OSMR: variants seen among roughly 807,000 people sequenced by gnomAD.
OSMR encodes oncostatin M receptor.
In OSMR, 81 loss-of-function variants were observed where a neutral mutation model predicts 99.9. The ratio of observed to expected loss-of-function variants is 0.81; its 90% CI spans 0.68 to 0.97. The LOEUF (loss-of-function observed/expected upper bound fraction) is 0.97, where lower values mean the gene tolerates loss of function less well. OSMR is among the 50% of genes least tolerant of loss of function. The pLI is 0.00. For synonymous variants in OSMR, 406 were observed against 410.4 expected (o/e 0.99, Z 0.13); for missense variants, 1,099 against 1,153.4 (o/e 0.95, Z 0.68).
intron 7 of OSMR, among the ~76,000 whole-genome samples, chr5:38,887,493 A>G (rs1221595813): frequency 2.6e-5 from 4 of 152,072 alleles, no homozygotes; most frequent in Non-Finnish European, 5.9e-5. Context: ...CTGACATGCC[A>G]CCTCTTTCAC....
At position 38,933,472 on chromosome 5, in the gene OSMR, TAC is replaced by T. The variant is rs2112712347; in HGVS notation, c.*32_*33del. The T allele has an allele frequency of 1.2e-6, 2 of 1,613,292 alleles. No homozygotes were observed. Among genetic ancestry groups the T allele is most frequent in the Non-Finnish European group, 1.7e-6 (2 of 1,179,506 alleles). On this transcript the variant is annotated 3_prime_UTR_variant, in exon 18 of 18. Coordinates refer to ENST00000274276, the MANE Select transcript of OSMR (RefSeq NM_003999.3). ...AGCATGCCGATTTCATACCTTATGCTACACAGACATTAAGAAGAGCAGAGCTG... is the reference window on the plus strand; with the variant it reads ...AGCATGCCGATTTCATACCTTATGCTACAGACATTAAGAAGAGCAGAGCTG...
chr5:38,928,109 A>G lies in OSMR; in HGVS notation c.2212+2738A>G, dbSNP rs117635790. ...ATATCACTATCAGCATTTTGGTCATATCCATTCAACAAGCCTCTAGGAAGT... is the reference window on the plus strand; with the variant it reads ...ATATCACTATCAGCATTTTGGTCATGTCCATTCAACAAGCCTCTAGGAAGT... On this transcript the variant is annotated intron_variant, in intron 15 of 17. Coordinates refer to ENST00000274276, the MANE Select transcript of OSMR (RefSeq NM_003999.3). Among the ~76,000 whole-genome samples, 519 of 152,258 alleles carry G rather than the reference A, an allele frequency of 3.4e-3. 11 individuals are homozygous for G. In the East Asian group the frequency reaches 0.05, roughly 15 times the overall value.
intron 11 of OSMR, chr5:38,919,625 T>A (rs1348820967): frequency 3.5e-6 from 1 of 288,480 alleles, no homozygotes; most frequent in Non-Finnish European, 6.7e-6. Flanking sequence ...TGATATTAAT[T>A]TCCTTCTTAG....
intron 7 of OSMR, among the ~76,000 whole-genome samples, chr5:38,899,967 C>T (rs906450941): frequency 6.6e-6 from 1 of 152,158 alleles, no homozygotes; most frequent in East Asian, 1.9e-4. Flanking sequence ...CTAAGCCCGG[C>T]TCAGCACCAT....
chr5:38,851,632 C>T (rs1411781440), intron 1 of OSMR, among the ~76,000 whole-genome samples: 1 of 152,190 alleles, frequency 6.6e-6, no homozygotes, highest in Non-Finnish European at 1.5e-5. Context: ...TTGAAGGGAG[C>T]ACTGAGGGGC....
chr5:38,862,721 T>C (rs1410024633), intron 1 of OSMR, among the ~76,000 whole-genome samples: 8 of 148,920 alleles, frequency 5.4e-5, no homozygotes, highest in Non-Finnish European at 1.0e-4. Context: ...CTAGATGGGA[T>C]GGCGGCCGGG....
chr5:38,872,329 A>G (rs1247035465), intron 2 of OSMR, among the ~76,000 whole-genome samples: 2 of 152,206 alleles, frequency 1.3e-5, no homozygotes, highest in East Asian at 3.8e-4. Flanking sequence ...TTCCAGAAGT[A>G]AAGTTTAGAC....
chr5:38,852,191 C>A (rs2112030504), intron 1 of OSMR, among the ~76,000 whole-genome samples: 1 of 152,236 alleles, frequency 6.6e-6, no homozygotes, highest in South Asian at 2.1e-4. Flanking sequence ...TTTTTCTGTT[C>A]TTTTTGAAAG....
rs574981215 is a variant in OSMR at position 38,934,114 on chromosome 5, G to A, written c.*670G>A. 6.6e-6 allele frequency: 1 copy of A among 152,646 alleles called. No individual in the cohort carries two copies. The highest frequency in any genetic ancestry group is 1.5e-5 in the Non-Finnish European group (1 of 68,078). The allele number at this position is 152,646 out of a possible 1,614,324, so 9.5% of individuals were successfully genotyped here. A position where few individuals can be genotyped will look rare whatever the true frequency, so the allele number is the denominator to read the frequency against. On this transcript the variant is annotated 3_prime_UTR_variant, in exon 18 of 18. Transcript: ENST00000274276. ...TTCTGTCAAGCTTACTACAGTGAAA[G>A]AATGGGATTGGCAAGTAACTTCTGA...
intron 4 of OSMR, 135 bp from the exon 5 acceptor site, chr5:38,883,692 A>C (rs1743478662): frequency 6.5e-7 from 1 of 1,541,046 alleles, no homozygotes; most frequent in African/African-American, 1.4e-5. Flanking sequence ...GAGGTTTGGC[A>C]GAGAAATTTA....
intron 10 of OSMR, among the ~76,000 whole-genome samples, chr5:38,917,982 A>T (rs191776957): frequency 2.0e-5 from 3 of 152,288 alleles, no homozygotes; most frequent in Admixed American, 2.0e-4. Flanking sequence ...ATCAAGCTTA[A>T]AAATTGTAAT....
At chr5:38,876,424 C>T in intron 3 of OSMR, 51 bp downstream of exon 3, 1 of 1,471,092 alleles carries the variant, frequency 6.8e-7, no homozygotes, top group Non-Finnish European at 9.5e-7. Flanking sequence ...TAAAAAAAGA[C>T]ACCTTGGTTT....
Position 38,933,481 on chromosome 5 carries a change from A to C in OSMR, c.*37A>C. 1.2e-6 allele frequency: 2 copies of C among 1,612,356 alleles called. No individual in the cohort carries two copies. Among genetic ancestry groups the C allele is most frequent in the Non-Finnish European group, 8.5e-7 (1 of 1,178,892 alleles). On this transcript the variant is annotated 3_prime_UTR_variant, in exon 18 of 18. Transcript: ENST00000274276. Reference sequence around the variant, plus strand: ...ATTTCATACCTTATGCTACACAGACATTAAGAAGAGCAGAGCTGGCACCCT... The same window carrying C: ...ATTTCATACCTTATGCTACACAGACCTTAAGAAGAGCAGAGCTGGCACCCT...
chr5:38,903,764 C>T lies in OSMR; in HGVS notation c.992-118C>T, dbSNP rs1703377890. The T allele has an allele frequency of 2.0e-6, 3 of 1,508,222 alleles. No homozygotes were observed. The East Asian group carries it at 7.4e-5, about 37-fold the overall frequency. The allele number at this position is 1,508,222 out of a possible 1,614,324, so 93.4% of individuals were successfully genotyped here. On this transcript the variant is annotated intron_variant, in intron 7 of 17. Transcript: ENST00000274276. ...TCTGTAAGTTCTTGTTTGTCATGTTCTCAAAAGTGAACAAAAATACTTGTT... is the reference window on the plus strand; with the variant it reads ...TCTGTAAGTTCTTGTTTGTCATGTTTTCAAAAGTGAACAAAAATACTTGTT...
At chr5:38,932,756 G>C (rs1213671822) in intron 17 of OSMR, 116 bp from the exon 18 acceptor site, 1 of 1,541,128 alleles carries the variant, frequency 6.5e-7, no homozygotes, top group East Asian at 2.4e-5. Context: ...CTTGTGACCA[G>C]GAAGAAACAT....
At chr5:38,880,975 G>T (rs1743236234) in intron 3 of OSMR, among the ~76,000 whole-genome samples, 1 of 152,214 alleles carries the variant, frequency 6.6e-6, no homozygotes. Flanking sequence ...GGGCCTAAGA[G>T]TCTGACAGAT....
intron 12 of OSMR, among the ~76,000 whole-genome samples, chr5:38,922,830 C>T (rs1198969589): frequency 6.6e-6 from 1 of 152,146 alleles, no homozygotes; most frequent in Non-Finnish European, 1.5e-5. Flanking sequence ...GGCTGGAGTG[C>T]AGTGGCTTGA....
chr5:38,863,198 G>T (rs1470645006), intron 1 of OSMR, among the ~76,000 whole-genome samples: 2 of 42,046 alleles, frequency 4.8e-5, no homozygotes, highest in Non-Finnish European at 1.2e-4. Flanking sequence ...AGGGAGAGGG[G>T]GAGGGGGAGG....
At chr5:38,848,132 G>A (rs888256217) in intron 1 of OSMR, among the ~76,000 whole-genome samples, 1 of 152,158 alleles carries the variant, frequency 6.6e-6, no homozygotes, top group Non-Finnish European at 1.5e-5. Flanking sequence ...GAAAGGACTG[G>A]GGCATTCATT....
Sources: allele counts gnomAD v4.1 joint callset (sites outside exome capture counted in the v4.1 genomes callset), GRCh38; gene constraint gnomAD v4.1.1; transcripts MANE v1.5; gene names NCBI Gene and HGNC (gene_info 2026-07-23, HGNC 2026-07-21).